Variants in ATAD2B observed in about 807,000 individuals in gnomAD.
The protein encoded by ATAD2B is ATPase family AAA domain containing 2B, also known as ATPase family AAA domain-containing protein 2B.
Under a neutral mutation model 167.6 loss-of-function variants are expected in ATAD2B, and 40 were observed. The observed-to-expected ratio is 0.24, with a 90% CI of 0.19 to 0.31. The LOEUF is 0.31. ATAD2B is among the 10% of genes least tolerant of loss of function. The pLI is 1.00. For synonymous variants in ATAD2B, 579 were observed against 596.5 expected, an observed-to-expected ratio of 0.97 and a Z score of 0.43; for missense variants, 1,242 against 1,757.2, an observed-to-expected ratio of 0.71 and a Z score of 5.24.
rs77374907 is a variant in ATAD2B at position 23,888,340 on chromosome 2, G to C, written c.418+10C>G. On this transcript the variant is annotated intron_variant, in intron 3 of 27. Transcript: ENST00000238789. ...TTTAAAACTAACCAGTTTTATAATA[G>C]AATACTCACATAAGCCACTATGTCC... 4.1e-3 allele frequency: 6,457 copies of C among 1,565,372 alleles called. 255 individuals carry two copies. The African/African-American group carries it at 0.079, about 19-fold the overall frequency.
chr2:23,890,911 T>C (rs1360472967), intron 2 of ATAD2B, among the ~76,000 whole-genome samples: 1 of 152,132 alleles, frequency 6.6e-6, no homozygotes, highest in African/African-American at 2.4e-5. Flanking sequence ...ATTGATCCAA[T>C]GACCTTATAG....
the ATAD2B span, chr2:23,697,883 TAAAC>T: frequency 2.0e-5 from 3 of 152,186 alleles, no homozygotes; most frequent in African/African-American, 4.8e-5. Flanking sequence ...CATCCAATAA[TAAAC>T]AAACACATGA....
At chr2:23,817,536 C>T (rs2339925) in intron 17 of ATAD2B, among the ~76,000 whole-genome samples, 142,329 of 152,204 alleles carry the variant, frequency 0.94, 66,637 homozygotes, top group East Asian at 0.99. Context: ...TCTGCTTTCA[C>T]AGCACTTTCG....
At chr2:23,907,573 C>T (rs1701679347) in intron 1 of ATAD2B, among the ~76,000 whole-genome samples, 1 of 152,186 alleles carries the variant, frequency 6.6e-6, no homozygotes, top group African/African-American at 2.4e-5. Flanking sequence ...AATGCCATCC[C>T]TATCAAGCTA....
intron 21 of ATAD2B, among the ~76,000 whole-genome samples, chr2:23,783,269 T>G (rs1338118973): frequency 1.3e-5 from 2 of 151,690 alleles, no homozygotes; most frequent in African/African-American, 4.8e-5. Flanking sequence ...TTCTTAAAAT[T>G]TGAAACCATG....
At chr2:23,861,312 T>C (rs565792772) in intron 12 of ATAD2B, among the ~76,000 whole-genome samples, 1 of 152,116 alleles carries the variant, frequency 6.6e-6, no homozygotes, top group African/African-American at 2.4e-5. Context: ...AAAAGGCTAC[T>C]AAAGATTAAA....
At chr2:23,878,694 C>T (rs1697411816) in intron 7 of ATAD2B, among the ~76,000 whole-genome samples, 2 of 151,830 alleles carry the variant, frequency 1.3e-5, no homozygotes, top group Admixed American at 6.6e-5. Context: ...AAATAATAAA[C>T]TTCTGCTCTT....
the ATAD2B span, among the ~76,000 whole-genome samples, chr2:23,678,088 C>G: frequency 6.6e-6 from 1 of 152,176 alleles, no homozygotes; most frequent in South Asian, 2.1e-4. Flanking sequence ...ATAGGCCAGC[C>G]AGAACGAGCC....
rs949860551 is a variant in ATAD2B, at chr2:23,927,036, G to C, written c.-266C>G. On this transcript the variant is annotated 5_prime_UTR_variant, in exon 1 of 28. Coordinates refer to ENST00000238789, the MANE Select transcript of ATAD2B (RefSeq NM_017552.4). Reference sequence around the variant, plus strand: ...GGCTTCGCCCTCCTCAGCGGGAGCCGAGCGGAGCCGCCATTTCTACCCCTT... The same window carrying C: ...GGCTTCGCCCTCCTCAGCGGGAGCCCAGCGGAGCCGCCATTTCTACCCCTT... 8.7e-6 allele frequency: 4 copies of C among 461,480 alleles called. No individual in the cohort carries two copies. The highest frequency in any genetic ancestry group is 6.2e-5 in the African/African-American group (3 of 48,560). The allele number at this position is 461,480 out of a possible 1,614,324, so 28.6% of individuals were successfully genotyped here. A position where few individuals can be genotyped will look rare whatever the true frequency, so the allele number is the denominator to read the frequency against.
the ATAD2B span, chr2:23,695,777 G>A: frequency 2.6e-6 from 4 of 1,551,116 alleles, no homozygotes; most frequent in Non-Finnish European, 3.5e-6. This position sits in a 1 kb window ranked among gnomAD's most constrained non-coding sequence, Gnocchi z 7.6. Context: ...CCCCACGCCC[G>A]CCAGGAGATG....
chr2:23,857,986 G>A (rs557957092), intron 12 of ATAD2B, among the ~76,000 whole-genome samples: 180 of 151,960 alleles, frequency 1.2e-3, no homozygotes, highest in African/African-American at 4.2e-3. Flanking sequence ...CTCGTGATCT[G>A]CCCGCCTCGA....
chr2:23,844,524 A>G (rs1056186057), intron 13 of ATAD2B, among the ~76,000 whole-genome samples: 2 of 152,234 alleles, frequency 1.3e-5, no homozygotes, highest in African/African-American at 2.4e-5. Flanking sequence ...AGTAGGCATT[A>G]TAACTATATT....
In ATAD2B at chr2:23,867,923, G is replaced by C; in HGVS notation, c.1100C>G (p.Ala367Gly). 6.2e-7 allele frequency: 1 copy of C among 1,611,722 alleles called. No homozygotes were observed. Among genetic ancestry groups the C allele is most frequent in the Non-Finnish European group, 8.5e-7 (1 of 1,179,118 alleles). ...RNRCLPMNFR[A>G]EDLASGILRE... ...GAGAATACCGCTAGCTAAGTCCTCT[G>C]CTCTGAAGTTCATAGGCAAACATCT... is the stretch of plus-strand genomic sequence containing the variant. The change falls in exon 10 of 28, where the codon GCA (alanine) becomes GGA (glycine). Residue 367 changes from alanine (A) to glycine (G), a missense_variant. Coordinates refer to ENST00000238789, the MANE Select transcript of ATAD2B (RefSeq NM_017552.4).
intron 13 of ATAD2B, among the ~76,000 whole-genome samples, chr2:23,856,782 C>A (rs958203715): frequency 6.6e-6 from 1 of 152,088 alleles, no homozygotes; most frequent in Non-Finnish European, 1.5e-5. Context: ...ATCACTTGAA[C>A]CCAGGAAGTG....
At chr2:23,866,278 G>A (rs1457542086) in intron 10 of ATAD2B, among the ~76,000 whole-genome samples, 4 of 152,298 alleles carry the variant, frequency 2.6e-5, no homozygotes, top group Admixed American at 1.3e-4. Flanking sequence ...GGTGGCGCAT[G>A]CTTGTAATCC....
intron 13 of ATAD2B, among the ~76,000 whole-genome samples, chr2:23,845,818 G>A (rs919439740): frequency 3.4e-5 from 5 of 147,866 alleles, no homozygotes; most frequent in Non-Finnish European, 6.0e-5. Context: ...GGGCTCAAGC[G>A]ATCTGCCTGC....
chr2:23,908,058 C>T (rs1389299775), intron 1 of ATAD2B, among the ~76,000 whole-genome samples: 1 of 152,126 alleles, frequency 6.6e-6, no homozygotes, highest in Non-Finnish European at 1.5e-5. Flanking sequence ...CTAGGCATTA[C>T]CATTCAGGAC....
chr2:23,708,245 ATTATT>A, the ATAD2B span: 1 of 151,558 alleles, frequency 6.6e-6, no homozygotes, highest in Non-Finnish European at 1.5e-5. Context: ...AGTTTTTAAT[ATTATT>A]TATTATTTTA....
chr2:23,779,142 T>C (rs907362877), intron 22 of ATAD2B, among the ~76,000 whole-genome samples: 4 of 151,738 alleles, frequency 2.6e-5, no homozygotes, highest in African/African-American at 7.3e-5. Flanking sequence ...ACAGTGACCC[T>C]GATGCTGTTG....
Sources: allele counts gnomAD v4.1 joint callset (sites outside exome capture counted in the v4.1 genomes callset), GRCh38; gene constraint gnomAD v4.1.1; non-coding constraint Gnocchi (gnomAD v3.1); transcripts MANE v1.5; gene names NCBI Gene and HGNC (gene_info 2026-07-23, HGNC 2026-07-21).